AKAP19: variants seen among roughly 807,000 people sequenced by gnomAD.
The protein encoded by AKAP19 is A-kinase anchoring protein 19.
the AKAP19 span, among the ~76,000 whole-genome samples, chr2:190,031,106 C>G: frequency 1.3e-5 from 2 of 152,124 alleles, no homozygotes; most frequent in Non-Finnish European, 1.5e-5. Context: ...AAGTCGAGGA[C>G]TTTGCCAGCC....
the AKAP19 span, among the ~76,000 whole-genome samples, chr2:190,093,271 A>G: frequency 0.67 from 100,882 of 151,348 alleles, 35,602 homozygotes; most frequent in East Asian, 0.84. Flanking sequence ...AAAAAAAAAA[A>G]AAAATACAAA....
chr2:189,978,258 T>C, the AKAP19 span, among the ~76,000 whole-genome samples: 2 of 152,228 alleles, frequency 1.3e-5, no homozygotes, highest in African/African-American at 4.8e-5. Context: ...TCCCTCCTTT[T>C]GGAGTCCCCT....
At chr2:190,062,290 C>G in the AKAP19 span, 13 of 1,613,256 alleles carry the variant, frequency 8.1e-6, no homozygotes, top group Non-Finnish European at 1.1e-5. Flanking sequence ...AAAGAGCCAT[C>G]GCTGCTGTCA....
the AKAP19 span, among the ~76,000 whole-genome samples, chr2:189,980,598 G>A: frequency 6.6e-6 from 1 of 151,986 alleles, no homozygotes; most frequent in African/African-American, 2.4e-5. Flanking sequence ...GCCTCCTAAA[G>A]TGTTGTGATT....
the AKAP19 span, among the ~76,000 whole-genome samples, chr2:189,881,335 A>G: frequency 1.3e-5 from 2 of 152,186 alleles, no homozygotes; most frequent in African/African-American, 4.8e-5. Context: ...ACTGAAATAA[A>G]TGCATATCTG....
At chr2:189,956,159 G>C in the AKAP19 span, among the ~76,000 whole-genome samples, 1 of 96,838 alleles carries the variant, frequency 1.0e-5, no homozygotes, top group African/African-American at 4.1e-5. Context: ...ATTTTTACTA[G>C]TATATTTTCT....
chr2:190,140,527 G>A, the AKAP19 span, among the ~76,000 whole-genome samples: 1 of 152,180 alleles, frequency 6.6e-6, no homozygotes, highest in Admixed American at 6.5e-5. Flanking sequence ...GCACCTGCAG[G>A]CTCAACACCA....
the AKAP19 span, among the ~76,000 whole-genome samples, chr2:189,929,873 G>T: frequency 1.3e-5 from 2 of 152,086 alleles, no homozygotes. Context: ...CATCAGAAAA[G>T]AATTTGGGGA....
chr2:190,021,107 A>G, the AKAP19 span, among the ~76,000 whole-genome samples: 14 of 152,272 alleles, frequency 9.2e-5, no homozygotes, highest in African/African-American at 4.8e-5. Flanking sequence ...CCAAATACCT[A>G]TTTGAGTCCC....
chr2:190,141,449 G>C, the AKAP19 span, among the ~76,000 whole-genome samples: 1 of 152,154 alleles, frequency 6.6e-6, no homozygotes, highest in Non-Finnish European at 1.5e-5. Context: ...CAATTCTGCA[G>C]GGCTGGGGAG....
the AKAP19 span, among the ~76,000 whole-genome samples, chr2:190,028,653 A>T: frequency 6.6e-6 from 1 of 152,208 alleles, no homozygotes; most frequent in African/African-American, 2.4e-5. Flanking sequence ...TATACTTAGT[A>T]ATTAAGAAAC....
At chr2:190,038,158 G>C in the AKAP19 span, among the ~76,000 whole-genome samples, 1 of 152,194 alleles carries the variant, frequency 6.6e-6, no homozygotes, top group South Asian at 2.1e-4. Context: ...TCCTACAGGG[G>C]TAGCCACTGA....
the AKAP19 span, among the ~76,000 whole-genome samples, chr2:190,024,373 TG>T: frequency 6.9e-6 from 1 of 144,240 alleles, no homozygotes; most frequent in Non-Finnish European, 1.5e-5. Flanking sequence ...CACATATATA[TG>T]TGTGTGTATA....
the AKAP19 span, among the ~76,000 whole-genome samples, chr2:189,943,498 C>T: frequency 2.0e-5 from 3 of 152,214 alleles, no homozygotes; most frequent in Admixed American, 6.5e-5. Flanking sequence ...TCATAGAGAA[C>T]CTCTACTACA....
the AKAP19 span, among the ~76,000 whole-genome samples, chr2:190,094,080 G>T: frequency 6.6e-6 from 1 of 152,224 alleles, no homozygotes; most frequent in East Asian, 1.9e-4. Flanking sequence ...CACAGCGACA[G>T]AGTAAGCTCC....
At chr2:190,022,859 T>A in the AKAP19 span, among the ~76,000 whole-genome samples, 56 of 152,256 alleles carry the variant, frequency 3.7e-4, no homozygotes, top group South Asian at 4.1e-3. Context: ...CTGGAGCTTT[T>A]TGTTTCATTA....
chr2:189,976,926 G>T, the AKAP19 span, among the ~76,000 whole-genome samples: 1 of 152,132 alleles, frequency 6.6e-6, no homozygotes, highest in Admixed American at 6.5e-5. Context: ...TGTGCTTCCT[G>T]GGTGAGGCGA....
chr2:189,922,939 C>G, the AKAP19 span, among the ~76,000 whole-genome samples: 2 of 152,024 alleles, frequency 1.3e-5, no homozygotes, highest in Non-Finnish European at 2.9e-5. Flanking sequence ...TGCCTGAGCT[C>G]AGGAGTTCAA....
the AKAP19 span, among the ~76,000 whole-genome samples, chr2:190,022,720 G>T: frequency 2.0e-5 from 3 of 152,194 alleles, no homozygotes; most frequent in East Asian, 5.8e-4. Flanking sequence ...TAAATAAAGT[G>T]CCAGGAGAGT....
Sources: gnomAD v4.1 joint callset for allele counts (sites outside exome capture counted in the v4.1 genomes callset) on GRCh38, gnomAD v4.1.1 for gene constraint, MANE v1.5 for transcripts, NCBI Gene and HGNC (gene_info 2026-07-23, HGNC 2026-07-21) for gene names.